DSG3: variants seen among roughly 807,000 people sequenced by gnomAD.
DSG3 encodes the protein desmoglein-3.
In DSG3, 63 loss-of-function variants were observed where a neutral mutation model predicts 85.9. That is an observed-to-expected ratio of 0.73 (90% CI 0.60 to 0.90). The LOEUF is 0.90. Among genes scored for constraint, DSG3 ranks in the 40% least tolerant of loss-of-function variants. The pLI is 0.00. For missense variants in DSG3, 1,220 were observed against 1,219.9 expected (o/e 1.00, Z 0.00); for synonymous variants, 447 against 441.9 (o/e 1.01, Z -0.14).
At chr18:31,472,260 A>ATGTTT (rs1354866758) in intron 12 of DSG3, 24 bp from the exon 13 acceptor site, 31 of 1,613,774 alleles carry the variant, frequency 1.9e-5, no homozygotes, top group Non-Finnish European at 2.6e-5. Flanking sequence ...AAGTGTTCTG[A>ATGTTT]TGTTTTGTTT....
At chr18:31,472,252 G>A (rs2072859721) in intron 12 of DSG3, 32 bp from the exon 13 acceptor site, 3 of 1,613,684 alleles carry the variant, frequency 1.9e-6, no homozygotes, top group Non-Finnish European at 2.5e-6. Flanking sequence ...AATTAGTCAA[G>A]TGTTCTGATG....
intron 12 of DSG3, among the ~76,000 whole-genome samples, chr18:31,470,108 C>G (rs1305224660): frequency 6.6e-6 from 1 of 151,962 alleles, no homozygotes; most frequent in African/African-American, 2.4e-5. Flanking sequence ...TCATATAAAT[C>G]AAATAGTATT....
intron 3 of DSG3, 95 bp from the exon 4 acceptor site, chr18:31,458,350 G>A (rs536264095): frequency 5.0e-5 from 65 of 1,296,286 alleles, no homozygotes; most frequent in Non-Finnish European, 6.1e-5. Flanking sequence ...AGAGTGAATC[G>A]AATGAACAGA....
In DSG3 at chr18:31,457,019, G is replaced by T; in HGVS notation, c.111G>T (p.Glu37Asp). Reference sequence around the variant, plus strand: ...CTAAAGGTCAATATGATGAAGAAGAGATGACTATGCAACAAGCTAAAAGAA... The same window carrying T: ...CTAAAGGTCAATATGATGAAGAAGATATGACTATGCAACAAGCTAAAAGAA... ...IETKGQYDEE[E>D]MTMQQAKRRQ... The change falls in exon 3 of 16, where the codon GAG (glutamate) becomes GAT (aspartate). Residue 37 changes from glutamate to aspartate, a missense_variant. By Grantham distance (45) the Glu-to-Asp change is conservative. Coordinates refer to ENST00000257189, the MANE Select transcript of DSG3 (RefSeq NM_001944.3). 2.5e-6 allele frequency: 4 copies of T among 1,612,726 alleles called. No individual in the cohort carries two copies. The highest frequency in any genetic ancestry group is 3.4e-6 in the Non-Finnish European group (4 of 1,179,362).
rs2072895269 is a variant in DSG3 at position 31,477,307 on chromosome 18, T to A, written c.*1047T>A. ...CCTTCCTACACGTCTCAGTAACAGA[T>A]CCTGTGTTAGTCTTTGAAAATAGCT... On this transcript the variant is annotated 3_prime_UTR_variant, in exon 16 of 16. Transcript: ENST00000257189. 1 of 152,232 alleles carries A rather than the reference T, an allele frequency of 6.6e-6. No individual in the cohort carries two copies. Among genetic ancestry groups the A allele is most frequent in the Non-Finnish European group, 1.5e-5 (1 of 68,042 alleles). 9.4% of individuals were successfully genotyped at this position (152,232 alleles called of 1,614,324 possible).
chr18:31,454,190 GCTAGT>G (rs1368617178), intron 1 of DSG3, among the ~76,000 whole-genome samples: 1 of 152,080 alleles, frequency 6.6e-6, no homozygotes, highest in African/African-American at 2.4e-5. Context: ...TCTCTGTAGG[GCTAGT>G]CCAAGCATGA....
rs763433491 is a variant in DSG3, at chr18:31,457,068, T to C, written c.160T>C (p.Phe54Leu). 6.2e-7 allele frequency: 1 copy of C among 1,612,920 alleles called. No homozygotes were observed. The highest frequency in any genetic ancestry group is 8.5e-7 in the Non-Finnish European group (1 of 1,179,510). The change falls in exon 3 of 16, where the codon TTT becomes CTT. Residue 54 changes from phenylalanine (F) to leucine (L), a missense_variant. By Grantham distance (22) the Phe-to-Leu change is conservative (BLOSUM62 0). Transcript: ENST00000257189. ...KRRQKREWVK[F>L]AKPCREGEDN... ...AAGGCAAAAACGTGAATGGGTGAAA[T>C]TTGCCAAACCCTGCAGAGAAGGAGA...
At position 31,465,910 on chromosome 18, in the gene DSG3, G is replaced by A. The variant is rs184183074; in HGVS notation, c.1411+453G>A. Among the ~76,000 whole-genome samples the A allele has an allele frequency of 2.1e-3, 325 of 152,068 alleles. 2 individuals are homozygous for A. In the South Asian group the frequency reaches 0.024, roughly 11 times the overall value. On this transcript the variant is annotated intron_variant, in intron 10 of 15. Coordinates refer to ENST00000257189, the MANE Select transcript of DSG3 (RefSeq NM_001944.3). The stretch of plus-strand genomic sequence containing the variant: ...TCATTGAGTGTATGTGTTTCCCCAA[G>A]TATAAAATTAATTTATGTTGAAGGT...
chr18:31,452,582 T>C (rs1158683010), intron 1 of DSG3, among the ~76,000 whole-genome samples: 2 of 148,454 alleles, frequency 1.3e-5, no homozygotes, highest in African/African-American at 5.0e-5. Flanking sequence ...GGTGACAGAA[T>C]TGGTTAACAT....
chr18:31,472,207 C>T (rs2072859482), intron 12 of DSG3, 77 bp from the exon 13 acceptor site: 1 of 1,592,658 alleles, frequency 6.3e-7, no homozygotes, highest in East Asian at 2.2e-5. Flanking sequence ...TTCTTTGTAA[C>T]ATTTCTGAAA....
chr18:31,451,266 T>C (rs1317912250), intron 1 of DSG3, among the ~76,000 whole-genome samples: 1 of 152,228 alleles, frequency 6.6e-6, no homozygotes, highest in African/African-American at 2.4e-5. Flanking sequence ...CAGTTTGTCA[T>C]CCAACACTGC....
intron 14 of DSG3, among the ~76,000 whole-genome samples, chr18:31,473,251 TAACAGTA>T (rs1322605987): frequency 6.6e-6 from 1 of 152,228 alleles, no homozygotes; most frequent in Non-Finnish European, 1.5e-5. Flanking sequence ...TCCCCAGAAC[TAACAGTA>T]TCCTGATTTC....
At chr18:31,459,639 G>A (rs1218227623) in intron 5 of DSG3, among the ~76,000 whole-genome samples, 4 of 152,110 alleles carry the variant, frequency 2.6e-5, no homozygotes, top group African/African-American at 7.2e-5. Flanking sequence ...AGAGAGAATC[G>A]AAGAGTTTGT....
At position 31,447,887 on chromosome 18, in the gene DSG3, C is replaced by CT; in HGVS notation, c.11dup (p.Phe5LeufsTer26). 4 of 1,592,086 alleles carry CT rather than the reference C, an allele frequency of 2.5e-6. No individual in the cohort carries two copies. Among genetic ancestry groups the CT allele is most frequent in the Non-Finnish European group, 3.4e-6 (4 of 1,170,742 alleles). On this transcript the variant is annotated frameshift_variant, in exon 1 of 16. Coordinates refer to ENST00000257189, the MANE Select transcript of DSG3 (RefSeq NM_001944.3). LOFTEE classifies it high-confidence loss of function. ...AGGGAAATCAGAGACAATGATGGGG[C>CT]TCTTCCCCAGAACTACAGGGGCTCT...
chr18:31,461,307 A>G lies in DSG3; in HGVS notation c.894A>G (p.Thr298=). ...FQVTDLDEEY[T]DNWLAVYFFT... ...TAACAGATTTGGATGAAGAGTACAC[A>G]GATAATTGGCTTGCAGTATATTTCT... Residue 298 remains threonine (T), a synonymous_variant, in exon 8 of 16, where the codon ACA becomes ACG. Coordinates refer to ENST00000257189, the MANE Select transcript of DSG3 (RefSeq NM_001944.3). 6.2e-7 allele frequency: 1 copy of G among 1,613,558 alleles called. No homozygotes were observed. Among genetic ancestry groups the G allele is most frequent in the Non-Finnish European group, 8.5e-7 (1 of 1,179,636 alleles).
In DSG3 at chr18:31,476,874, G is replaced by A. The variant is rs536980363; in HGVS notation, c.*614G>A. 6.6e-6 allele frequency: 1 copy of A among 151,380 alleles called. No individual in the cohort carries two copies. The highest frequency in any genetic ancestry group is 6.6e-5 in the Admixed American group (1 of 15,164). 9.4% of individuals were successfully genotyped at this position (151,380 alleles called of 1,614,324 possible). On this transcript the variant is annotated 3_prime_UTR_variant, in exon 16 of 16. Coordinates refer to ENST00000257189, the MANE Select transcript of DSG3 (RefSeq NM_001944.3). ...CTCGGGAGGCTGAGGCAGGAGAATG[G>A]CATGAACCCGGGAAGCGGAGCTTGC...
At chr18:31,461,466 A>G (rs1193997975) in intron 8 of DSG3, 54 bp downstream of exon 8, 11 of 1,394,836 alleles carry the variant, frequency 7.9e-6, no homozygotes, top group African/African-American at 7.3e-5. Flanking sequence ...AACCAAAATG[A>G]TCATTTCTAC....
In DSG3 at chr18:31,467,570, C is replaced by T. The variant is rs1234622713; in HGVS notation, c.1636+816C>T. 2.0e-5 allele frequency among the ~76,000 whole-genome samples: 3 copies of T among 152,124 alleles called. No homozygotes were observed. The East Asian group carries it at 5.8e-4, about 29-fold the overall frequency. On this transcript the variant is annotated intron_variant, in intron 11 of 15. Transcript: ENST00000257189. ...ATTATCCAACAGGGAGGAGCTAATT[C>T]ATCCTTTCTCTTTCCCAACCTTTAT...
chr18:31,459,513 G>A (rs1008724499), intron 5 of DSG3, among the ~76,000 whole-genome samples: 4 of 152,138 alleles, frequency 2.6e-5, no homozygotes, highest in African/African-American at 9.7e-5. Flanking sequence ...GGTTATAAAG[G>A]ACAGAGACAC....
Sources: gnomAD v4.1 joint callset for allele counts (sites outside exome capture counted in the v4.1 genomes callset) on GRCh38, gnomAD v4.1.1 for gene constraint, MANE v1.5 for transcripts, NCBI Gene and HGNC (gene_info 2026-07-23, HGNC 2026-07-21) for gene names.